The following ULK4 variants were observed in gnomAD, a reference collection of about 807,000 sequenced individuals.
ULK4 encodes inactive serine/threonine-protein kinase ULK4.
A neutral mutation model predicts 160.6 loss-of-function variants in ULK4; 133 were observed. The ratio of observed to expected loss-of-function variants is 0.83; its 90% CI spans 0.72 to 0.96. The LOEUF (loss-of-function observed/expected upper bound fraction) is 0.96, where lower values mean the gene tolerates loss of function less well. ULK4 is among the 40% of genes least tolerant of loss of function. The pLI is 0.00. For synonymous variants in ULK4, 534 were observed against 539.8 expected, an observed-to-expected ratio of 0.99 and a Z score of 0.15; for missense variants, 1,580 against 1,499.5, an observed-to-expected ratio of 1.05 and a Z score of -0.89.
intron 27 of ULK4, among the ~76,000 whole-genome samples, chr3:41,703,743 T>C (rs2036762337): frequency 6.6e-6 from 1 of 151,870 alleles, no homozygotes; most frequent in South Asian, 2.1e-4. Flanking sequence ...TCCAAATCTG[T>C]CTTAAAAAAA....
chr3:41,307,111 C>T (rs2079959449), intron 35 of ULK4, among the ~76,000 whole-genome samples: 1 of 150,706 alleles, frequency 6.6e-6, no homozygotes, highest in Non-Finnish European at 1.5e-5. Flanking sequence ...CTGCCAAATC[C>T]CCCTCTGTGA....
At chr3:41,484,790 A>G (rs2084464550) in intron 32 of ULK4, among the ~76,000 whole-genome samples, 1 of 152,132 alleles carries the variant, frequency 6.6e-6, no homozygotes, top group South Asian at 2.1e-4. Flanking sequence ...TCCTCATTTG[A>G]AGATGGAGAA....
intron 32 of ULK4, among the ~76,000 whole-genome samples, chr3:41,559,201 C>T (rs62256899): frequency 0.39 from 49,687 of 128,932 alleles, 11,186 homozygotes; most frequent in Middle Eastern, 0.52. Context: ...ACAAAGGACA[C>T]GAACTCATCC....
chr3:41,483,352 G>A (rs1227230389), intron 32 of ULK4, among the ~76,000 whole-genome samples: 1 of 151,766 alleles, frequency 6.6e-6, no homozygotes, highest in Non-Finnish European at 1.5e-5. Context: ...TTAGTTTTAG[G>A]CATTATCTAC....
Position 41,267,895 on chromosome 3 carries a change from G to A in ULK4, c.3679-18321C>T, listed in dbSNP as rs143695989. Among the ~76,000 whole-genome samples the A allele has an allele frequency of 1.9e-3, 283 of 152,296 alleles. 2 individuals carry two copies. In the Middle Eastern group the frequency reaches 0.034, roughly 18 times the overall value. On this transcript the variant is annotated intron_variant, in intron 35 of 36. Transcript: ENST00000301831. ...AGAAAGAATGAAGGAGTCAGCAGTT[G>A]TAGCTGAGATGTCTACCAGATTGAG...
chr3:41,680,420 G>C (rs2035886885), intron 29 of ULK4, among the ~76,000 whole-genome samples: 2 of 152,116 alleles, frequency 1.3e-5, no homozygotes, highest in Admixed American at 1.3e-4. Context: ...AGTCAGTCAA[G>C]ACAGGCTCCC....
intron 33 of ULK4, among the ~76,000 whole-genome samples, chr3:41,459,805 T>C (rs1268044921): frequency 2.0e-5 from 3 of 152,016 alleles, no homozygotes; most frequent in Non-Finnish European, 4.4e-5. Flanking sequence ...AACTGTCTGA[T>C]TGGGGTATGG....
intron 35 of ULK4, among the ~76,000 whole-genome samples, chr3:41,369,301 G>T (rs1201930564): frequency 2.0e-5 from 3 of 152,028 alleles, no homozygotes; most frequent in Non-Finnish European, 2.9e-5. Flanking sequence ...TCGAGACCTG[G>T]ACTCAGCATG....
At chr3:41,370,492 G>A (rs368910683) in intron 35 of ULK4, among the ~76,000 whole-genome samples, 10 of 152,264 alleles carry the variant, frequency 6.6e-5, no homozygotes, top group African/African-American at 1.9e-4. Context: ...TAGACAGTGC[G>A]TACAGCCCAC....
chr3:41,402,802 T>C (rs940461903), intron 34 of ULK4, among the ~76,000 whole-genome samples: 3 of 152,172 alleles, frequency 2.0e-5, no homozygotes, highest in African/African-American at 7.2e-5. Context: ...ATTGTAGTCT[T>C]TTTTGGAGAG....
chr3:41,352,271 A>T (rs560427602), intron 35 of ULK4, among the ~76,000 whole-genome samples: 1 of 152,288 alleles, frequency 6.6e-6, no homozygotes, highest in African/African-American at 2.4e-5. Context: ...TACAACCATC[A>T]TTGTAGCTAC....
intron 19 of ULK4, among the ~76,000 whole-genome samples, chr3:41,804,931 T>C (rs2040594529): frequency 1.3e-5 from 2 of 152,134 alleles, no homozygotes; most frequent in African/African-American, 2.4e-5. Context: ...CCTCCAGCTT[T>C]GTTCTTTTGG....
At chr3:41,655,416 T>G (rs560843875) in intron 30 of ULK4, among the ~76,000 whole-genome samples, 1 of 149,528 alleles carries the variant, frequency 6.7e-6, no homozygotes, top group Non-Finnish European at 1.5e-5. Flanking sequence ...TTAGGAGATA[T>G]ACCTAATGCT....
intron 16 of ULK4, among the ~76,000 whole-genome samples, chr3:41,894,222 A>C (rs1163740313): frequency 1.3e-5 from 2 of 152,226 alleles, no homozygotes; most frequent in Non-Finnish European, 2.9e-5. Flanking sequence ...ATTTTAAATA[A>C]AGGTGTTTAA....
In ULK4 at chr3:41,447,678, C is replaced by T. The variant is rs948518238; in HGVS notation, c.3492+7819G>A. ...GAGGCTTCGTGCTCACCAATGCTGC[C>T]GGGATCCTAGGGCTCGGTTTTTATG... On this transcript the variant is annotated intron_variant, in intron 34 of 36. Transcript: ENST00000301831. Among the ~76,000 whole-genome samples the T allele has an allele frequency of 5.3e-5, 8 of 152,084 alleles. No homozygotes were observed. In the South Asian group the frequency reaches 1.5e-3, roughly 28 times the overall value.
chr3:41,526,586 T>C (rs1268910955), intron 32 of ULK4, among the ~76,000 whole-genome samples: 2 of 152,170 alleles, frequency 1.3e-5, no homozygotes, highest in Admixed American at 1.3e-4. Context: ...TTCTGAAGAG[T>C]TATCACCATA....
At chr3:41,544,204 T>C (rs1025813127) in intron 32 of ULK4, among the ~76,000 whole-genome samples, 3 of 36,692 alleles carry the variant, frequency 8.2e-5, no homozygotes, top group South Asian at 1.4e-3. Flanking sequence ...TATTTTATTG[T>C]TGTTTGTTCA....
At chr3:41,867,827 C>A (rs1696951162) in intron 17 of ULK4, among the ~76,000 whole-genome samples, 1 of 152,170 alleles carries the variant, frequency 6.6e-6, no homozygotes, top group African/African-American at 2.4e-5. Flanking sequence ...TGTTGGGTTC[C>A]CCTTATTACT....
At chr3:41,791,100 C>T (rs2040137088) in intron 20 of ULK4, among the ~76,000 whole-genome samples, 1 of 152,154 alleles carries the variant, frequency 6.6e-6, no homozygotes. Flanking sequence ...AAAAATATTT[C>T]CATTTTCTTA....
Sources: allele counts gnomAD v4.1 joint callset (sites outside exome capture counted in the v4.1 genomes callset), GRCh38; gene constraint gnomAD v4.1.1; transcripts MANE v1.5; gene names NCBI Gene and HGNC (gene_info 2026-07-23, HGNC 2026-07-21).